Variants in SIM1 observed in about 807,000 individuals in gnomAD.
The protein encoded by SIM1 is single-minded homolog 1.
In SIM1, 18 loss-of-function variants were observed where a neutral mutation model predicts 78.2. The observed-to-expected ratio is 0.23, with a 90% CI of 0.16 to 0.34. The LOEUF (loss-of-function observed/expected upper bound fraction) is 0.34. Among genes scored for constraint, SIM1 ranks in the 10% least tolerant of loss-of-function variants. The pLI is 1.00. For missense variants in SIM1, 939 were observed against 975.1 expected (o/e 0.96, Z 0.49); for synonymous variants, 417 against 385.2 (o/e 1.08, Z -0.97).
chr6:100,401,172 A>G (rs1383442304), intron 10 of SIM1, among the ~76,000 whole-genome samples: 2 of 152,168 alleles, frequency 1.3e-5, no homozygotes, highest in Non-Finnish European at 1.5e-5. Context: ...TCTAACCATG[A>G]AGAATAAGCA....
At chr6:100,454,534 C>G (rs187679855) in intron 2 of SIM1, among the ~76,000 whole-genome samples, 60 of 152,272 alleles carry the variant, frequency 3.9e-4, no homozygotes, top group Admixed American at 3.5e-3. Flanking sequence ...CACCAAAACC[C>G]GCATAGGCTT....
At position 100,444,914 on chromosome 6, in the gene SIM1, C is replaced by T. The variant is rs79148776; in HGVS notation, c.998+2354G>A. 5.2e-3 allele frequency among the ~76,000 whole-genome samples: 784 copies of T among 152,138 alleles called. 3 individuals carry two copies. The highest frequency in any genetic ancestry group is 0.02 in the Middle Eastern group (6 of 294). On this transcript the variant is annotated intron_variant, in intron 9 of 11. Coordinates refer to ENST00000369208, the MANE Select transcript of SIM1 (RefSeq NM_005068.3). ...CCCTTTAAAATGTATGCTATTGAAA[C>T]GTTTAAATTTGAAAAACATCTGGCA... is the stretch of plus-strand genomic sequence containing the variant.
intron 3 of SIM1, 104 bp downstream of exon 3, chr6:100,453,658 T>TG (rs1242322710): frequency 2.3e-6 from 2 of 867,986 alleles, no homozygotes; most frequent in African/African-American, 3.5e-5. Context: ...GGGGGTTGTT[T>TG]GTTTTTTTTT....
intron 10 of SIM1, among the ~76,000 whole-genome samples, chr6:100,412,683 A>AAGAAAG (rs763796634): frequency 3.8e-4 from 29 of 77,104 alleles, no homozygotes; most frequent in Non-Finnish European, 5.6e-4. Flanking sequence ...GAAAGAAAGA[A>AAGAAAG]AAAGAAAGAA....
chr6:100,450,198 A>C, intron 4 of SIM1, 69 bp downstream of exon 4: 2 of 1,315,056 alleles, frequency 1.5e-6, no homozygotes, highest in Non-Finnish European at 2.2e-6. Context: ...CCCCCAACCC[A>C]GCCCCCTACC....
intron 11 of SIM1, among the ~76,000 whole-genome samples, chr6:100,393,091 T>G (rs373949245): frequency 4.6e-4 from 70 of 152,296 alleles, no homozygotes; most frequent in Admixed American, 1.2e-3. Flanking sequence ...AACATATCAA[T>G]AGTGCCCTCA....
At chr6:100,412,649 GAA>G (rs1340034348) in intron 10 of SIM1, among the ~76,000 whole-genome samples, 20 of 103,852 alleles carry the variant, frequency 1.9e-4, no homozygotes, top group Non-Finnish European at 2.4e-4. Context: ...AAGAAAGAAA[GAA>G]AGAAAGAGAG....
At chr6:100,458,018 CTCTCTCTCTCTCTCT>C (rs1772724166) in intron 2 of SIM1, among the ~76,000 whole-genome samples, 1,534 of 87,598 alleles carry the variant, frequency 0.018, 49 homozygotes, top group South Asian at 0.021. Flanking sequence ...CTCTCTCTCT[CTCTCTCTCTCTCTCT>C]CTCTCTCTCT....
chr6:100,447,492 A>G (rs1772386753), intron 8 of SIM1, 77 bp from the exon 9 acceptor site: 1 of 1,546,470 alleles, frequency 6.5e-7, no homozygotes, highest in Non-Finnish European at 8.9e-7. Context: ...CCTGGTGGTA[A>G]GAATTGAGGG....
At chr6:100,422,329 G>A (rs117686740) in intron 9 of SIM1, among the ~76,000 whole-genome samples, 238 of 151,986 alleles carry the variant, frequency 1.6e-3, no homozygotes, top group Non-Finnish European at 2.3e-3. Flanking sequence ...TCAGCCTCCC[G>A]AGTAGCTAGG....
rs769833316 is a variant in SIM1, at chr6:100,436,878, A to G, written c.998+10390T>C. Among the ~76,000 whole-genome samples the G allele has an allele frequency of 2.4e-4, 36 of 151,810 alleles. 1 individual carries two copies. Among genetic ancestry groups the G allele is most frequent in the Admixed American group, 7.2e-4 (11 of 15,228 alleles). On this transcript the variant is annotated intron_variant, in intron 9 of 11. Transcript: ENST00000369208. ...CTCAGCCTCCCAAGTAGCTAGGACTACAGCCCGCACCACCACACCCGGTTA... is the reference window on the plus strand; with the variant it reads ...CTCAGCCTCCCAAGTAGCTAGGACTGCAGCCCGCACCACCACACCCGGTTA...
chr6:100,454,853 G>C (rs1406507088), intron 2 of SIM1, among the ~76,000 whole-genome samples: 1 of 152,172 alleles, frequency 6.6e-6, no homozygotes, highest in Non-Finnish European at 1.5e-5. Context: ...AACTTTCGAA[G>C]ACCTGTGTTA....
intron 10 of SIM1, among the ~76,000 whole-genome samples, chr6:100,408,168 A>C (rs1437694826): frequency 6.6e-6 from 1 of 151,978 alleles, no homozygotes. Context: ...TTGTATGTAG[A>C]TATCTGGTTT....
intron 10 of SIM1, among the ~76,000 whole-genome samples, chr6:100,394,735 A>C (rs1770728204): frequency 6.6e-6 from 1 of 152,004 alleles, no homozygotes; most frequent in Admixed American, 6.6e-5. Flanking sequence ...ACAAACAAAA[A>C]CCTAAGGTTT....
chr6:100,449,849 C>T lies in SIM1; in HGVS notation c.349-150G>A, dbSNP rs1484391838. The T allele has an allele frequency of 4.7e-6, 3 of 640,282 alleles. No homozygotes were observed. The African/African-American group carries it at 5.4e-5, about 12-fold the overall frequency. 39.7% of individuals were successfully genotyped at this position (640,282 alleles called of 1,614,324 possible). A position where few individuals can be genotyped will look rare whatever the true frequency, so the allele number is the denominator to read the frequency against. ...GTTCCAATGCCAGCTCTGCTTCTTG[C>T]TACCTATTGCAGCCTATCTAAGATT... is the stretch of plus-strand genomic sequence containing the variant. On this transcript the variant is annotated intron_variant, in intron 4 of 11. Coordinates refer to ENST00000369208, the MANE Select transcript of SIM1 (RefSeq NM_005068.3).
chr6:100,407,075 T>G (rs1771070110), intron 10 of SIM1, among the ~76,000 whole-genome samples: 1 of 152,202 alleles, frequency 6.6e-6, no homozygotes, highest in Non-Finnish European at 1.5e-5. Flanking sequence ...AGTATTCATC[T>G]TTCTTTATGT....
At chr6:100,427,910 G>C (rs2114513799) in intron 9 of SIM1, among the ~76,000 whole-genome samples, 1 of 152,300 alleles carries the variant, frequency 6.6e-6, no homozygotes, top group East Asian at 1.9e-4. Flanking sequence ...TGTCTAGACA[G>C]TATCTCACAT....
At position 100,393,468 on chromosome 6, in the gene SIM1, C is replaced by G; in HGVS notation, c.1570+19G>C. ...GGGCCTAATGCTTGGAGTTCGGGAA[C>G]CCTTTCACCTGCTCTTACCATGGAT... On this transcript the variant is annotated intron_variant, in intron 11 of 11. Coordinates refer to ENST00000369208, the MANE Select transcript of SIM1 (RefSeq NM_005068.3). The G allele has an allele frequency of 6.7e-7, 1 of 1,501,392 alleles. No individual in the cohort carries two copies. The highest frequency in any genetic ancestry group is 1.4e-5 in the South Asian group (1 of 73,628). The allele number at this position is 1,501,392 out of a possible 1,614,324, so 93.0% of individuals were successfully genotyped here.
chr6:100,440,859 C>T (rs1037410961), intron 9 of SIM1, among the ~76,000 whole-genome samples: 4 of 152,118 alleles, frequency 2.6e-5, no homozygotes, highest in Non-Finnish European at 4.4e-5. Flanking sequence ...ATCCCACCCC[C>T]CACCACACAC....
Sources: allele counts gnomAD v4.1 joint callset (sites outside exome capture counted in the v4.1 genomes callset), GRCh38; gene constraint gnomAD v4.1.1; transcripts MANE v1.5; gene names NCBI Gene and HGNC (gene_info 2026-07-23, HGNC 2026-07-21).